ARHGAP26: variants seen among roughly 807,000 people sequenced by gnomAD.
ARHGAP26 encodes rho GTPase-activating protein 26.
ARHGAP26 carries 38 observed loss-of-function variants against 104.8 expected under a neutral mutation model. The ratio of observed to expected loss-of-function variants is 0.36; its 90% confidence interval spans 0.28 to 0.48. ARHGAP26 has a LOEUF of 0.48. ARHGAP26 is among the 20% of genes least tolerant of loss of function. The pLI is 0.99. For missense variants in ARHGAP26, 704 were observed against 947.9 expected, an observed-to-expected ratio of 0.74 and a Z score of 3.38; for synonymous variants, 341 against 340.0, an observed-to-expected ratio of 1.00 and a Z score of -0.03.
rs556564404 is a variant in ARHGAP26 at position 143,014,238 on chromosome 5, G to C, written c.1144+122G>C. ...GCGTGTTGGGTTGGCTCCAGTTCCCGAGTGCAGTGGGACATGCCTCCACCC... is the reference window on the plus strand; with the variant it reads ...GCGTGTTGGGTTGGCTCCAGTTCCCCAGTGCAGTGGGACATGCCTCCACCC... On this transcript the variant is annotated intron_variant, in intron 12 of 22. Coordinates refer to ENST00000645722, the MANE Select transcript of ARHGAP26 (RefSeq NM_001135608.3). The C allele has an allele frequency of 5.0e-5, 53 of 1,059,384 alleles. No individual in the cohort carries two copies. In the East Asian group the frequency reaches 1.3e-3, roughly 25 times the overall value. 65.6% of individuals were successfully genotyped at this position (1,059,384 alleles called of 1,614,324 possible).
intron 17 of ARHGAP26, among the ~76,000 whole-genome samples, chr5:143,090,356 G>A (rs11167800): frequency 0.77 from 117,883 of 152,224 alleles, 48,896 homozygotes; most frequent in Non-Finnish European, 0.93. Flanking sequence ...ACGTGTGAAT[G>A]GAATATTTGA....
At chr5:143,029,092 G>A (rs1781479518) in intron 12 of ARHGAP26, among the ~76,000 whole-genome samples, 2 of 152,172 alleles carry the variant, frequency 1.3e-5, no homozygotes, top group Non-Finnish European at 2.9e-5. Context: ...CACATGATTA[G>A]GGGAAAACAG....
chr5:142,944,653 C>T (rs887208367), intron 11 of ARHGAP26, among the ~76,000 whole-genome samples: 4 of 152,144 alleles, frequency 2.6e-5, no homozygotes, highest in African/African-American at 9.7e-5. Context: ...GATTGACAAT[C>T]TTTTCTCATG....
At chr5:143,151,736 G>A (rs1197959892) in intron 20 of ARHGAP26, among the ~76,000 whole-genome samples, 2 of 152,032 alleles carry the variant, frequency 1.3e-5, no homozygotes, top group Admixed American at 1.3e-4. Flanking sequence ...CAGGCAGATC[G>A]CTTGAGGTCA....
intron 22 of ARHGAP26, among the ~76,000 whole-genome samples, chr5:143,220,928 C>T (rs1811048508): frequency 6.6e-6 from 1 of 152,182 alleles, no homozygotes; most frequent in Non-Finnish European, 1.5e-5. Flanking sequence ...GTAGCAGTGT[C>T]GGAGCGGAAA....
Position 142,787,578 on chromosome 5 carries a change from A to G in ARHGAP26, c.154+16663A>G, listed in dbSNP as rs141969621. On this transcript the variant is annotated intron_variant, in intron 1 of 22. Coordinates refer to ENST00000645722, the MANE Select transcript of ARHGAP26 (RefSeq NM_001135608.3). ...AGCCAAGCCCACAGCTGACAAAGCC[A>G]CTGACAAAGCCAGCAACACCAAAGG... Among the ~76,000 whole-genome samples the G allele has an allele frequency of 5.3e-3, 805 of 152,328 alleles. 6 individuals are homozygous for G. Among genetic ancestry groups the G allele is most frequent in the African/African-American group, 0.019 (782 of 41,560 alleles).
intron 19 of ARHGAP26, among the ~76,000 whole-genome samples, chr5:143,137,353 G>C (rs1243200719): frequency 6.6e-6 from 1 of 152,158 alleles, no homozygotes; most frequent in Non-Finnish European, 1.5e-5. Flanking sequence ...CTAGAATTGG[G>C]TTCAGATATT....
intron 13 of ARHGAP26, chr5:143,041,459 G>A (rs961251665): frequency 1.7e-5 from 3 of 176,600 alleles, no homozygotes; most frequent in Non-Finnish European, 4.0e-5. Flanking sequence ...TGTCATTTTT[G>A]GCATTTTAAT....
At position 143,044,212 on chromosome 5, in the gene ARHGAP26, G is replaced by C. The variant is rs563516704; in HGVS notation, c.1285+2322G>C. Among the ~76,000 whole-genome samples the C allele has an allele frequency of 2.0e-5, 3 of 152,276 alleles. No individual in the cohort carries two copies. The South Asian group carries it at 6.2e-4, about 32-fold the overall frequency. Reference sequence around the variant, plus strand: ...ACAAGGAAAAAAAAAGCATCTATTTGCTCATATAACTGGTAAATCCAAGAC... The same window carrying C: ...ACAAGGAAAAAAAAAGCATCTATTTCCTCATATAACTGGTAAATCCAAGAC... On this transcript the variant is annotated intron_variant, in intron 14 of 22. Coordinates refer to ENST00000645722, the MANE Select transcript of ARHGAP26 (RefSeq NM_001135608.3).
intron 1 of ARHGAP26, among the ~76,000 whole-genome samples, chr5:142,841,622 G>T (rs1303209745): frequency 6.6e-6 from 1 of 152,210 alleles, no homozygotes; most frequent in Non-Finnish European, 1.5e-5. Context: ...AGATTTCTTG[G>T]CTCTGCTGAA....
At chr5:143,104,651 T>C (rs75725510) in intron 17 of ARHGAP26, among the ~76,000 whole-genome samples, 7,422 of 152,242 alleles carry the variant, frequency 0.049, 600 homozygotes, top group African/African-American at 0.17. Context: ...AACAATAAAA[T>C]ATTGGAAACA....
chr5:142,861,650 A>G (rs1198876379), intron 1 of ARHGAP26, among the ~76,000 whole-genome samples: 1 of 152,198 alleles, frequency 6.6e-6, no homozygotes, highest in Non-Finnish European at 1.5e-5. Context: ...CATGTTATTT[A>G]TTAAATATAT....
intron 11 of ARHGAP26, among the ~76,000 whole-genome samples, chr5:142,951,622 T>G (rs760476097): frequency 2.0e-5 from 3 of 152,154 alleles, no homozygotes; most frequent in Non-Finnish European, 2.9e-5. Context: ...TATCATCCTT[T>G]AAGGGTCCTT....
intron 1 of ARHGAP26, among the ~76,000 whole-genome samples, chr5:142,829,975 C>T (rs1421613506): frequency 6.6e-6 from 1 of 152,120 alleles, no homozygotes; most frequent in African/African-American, 2.4e-5. Flanking sequence ...TTGGGGAGGG[C>T]TAAATGGTGG....
chr5:142,980,407 GA>G (rs1343818105), intron 11 of ARHGAP26, among the ~76,000 whole-genome samples: 1 of 35,124 alleles, frequency 2.8e-5, no homozygotes, highest in African/African-American at 1.2e-4. Context: ...TTTTATTTTT[GA>G]GATGGAATCT....
intron 20 of ARHGAP26, among the ~76,000 whole-genome samples, chr5:143,149,084 T>G (rs191014907): frequency 1.3e-5 from 2 of 152,180 alleles, no homozygotes; most frequent in Admixed American, 6.5e-5. Context: ...ATTTTTTGTT[T>G]TTTAGGTGTC....
intron 10 of ARHGAP26, among the ~76,000 whole-genome samples, chr5:142,913,512 C>T (rs1762103040): frequency 6.6e-6 from 1 of 151,914 alleles, no homozygotes; most frequent in Non-Finnish European, 1.5e-5. Flanking sequence ...ATTAGAACCT[C>T]CCTATCTTTT....
At chr5:142,858,459 G>C (rs1752771523) in intron 1 of ARHGAP26, among the ~76,000 whole-genome samples, 1 of 152,146 alleles carries the variant, frequency 6.6e-6, no homozygotes, top group Non-Finnish European at 1.5e-5. Context: ...TGTCGTGAAG[G>C]AGTGAGTAAT....
intron 20 of ARHGAP26, among the ~76,000 whole-genome samples, chr5:143,171,561 G>A (rs1342330912): frequency 6.6e-6 from 1 of 152,176 alleles, no homozygotes; most frequent in Non-Finnish European, 1.5e-5. Flanking sequence ...TACTTCCCAA[G>A]TTTCAAACTT....
Sources: gnomAD v4.1 joint callset for allele counts (sites outside exome capture counted in the v4.1 genomes callset) on GRCh38, gnomAD v4.1.1 for gene constraint, MANE v1.5 for transcripts, NCBI Gene and HGNC (gene_info 2026-07-23, HGNC 2026-07-21) for gene names.